Variants in ARL15 observed in about 807,000 individuals in gnomAD.
The protein encoded by ARL15 is ARF like GTPase 15.
ARL15 carries 19 observed loss-of-function variants against 25.2 expected under a neutral mutation model. The ratio of observed to expected loss-of-function variants is 0.75; its 90% CI spans 0.53 to 1.10. The LOEUF (loss-of-function observed/expected upper bound fraction) is 1.10, where lower values mean the gene tolerates loss of function less well. Ranked by LOEUF, ARL15 falls within the 50% of genes least tolerant of loss-of-function variation. The pLI is 0.00. For missense variants in ARL15, 220 were observed against 246.0 expected (o/e 0.89, Z 0.71); for synonymous variants, 94 against 86.8 (o/e 1.08, Z -0.46).
chr5:54,020,092 A>C (rs577081080), intron 4 of ARL15, among the ~76,000 whole-genome samples: 7 of 152,376 alleles, frequency 4.6e-5, no homozygotes, highest in Middle Eastern at 3.4e-3. Context: ...CATATGAAGT[A>C]TTAAAGTTAC....
At chr5:54,292,912 C>T (rs112602373) in intron 1 of ARL15, among the ~76,000 whole-genome samples, 3 of 152,314 alleles carry the variant, frequency 2.0e-5, no homozygotes, top group African/African-American at 7.2e-5. Context: ...ACTCTGCAAC[C>T]TCACACGGTG....
At chr5:54,039,405 ATCAC>A in intron 4 of ARL15, among the ~76,000 whole-genome samples, 1 of 152,234 alleles carries the variant, frequency 6.6e-6, no homozygotes, top group East Asian at 1.9e-4. Context: ...TTATATTTCT[ATCAC>A]TCACTTATCT....
intron 4 of ARL15, among the ~76,000 whole-genome samples, chr5:53,925,398 T>C (rs1396303205): frequency 6.6e-6 from 1 of 152,116 alleles, no homozygotes; most frequent in Non-Finnish European, 1.5e-5. Flanking sequence ...GGTTTTGCTA[T>C]GTTGCTCAAG....
intron 4 of ARL15, among the ~76,000 whole-genome samples, chr5:53,949,950 T>C (rs545053248): frequency 8.5e-5 from 13 of 152,306 alleles, no homozygotes; most frequent in African/African-American, 3.1e-4. Context: ...CTCAAGGTCA[T>C]TGTGCTAACA....
chr5:53,962,304 C>T (rs1293625339), intron 4 of ARL15, among the ~76,000 whole-genome samples: 2 of 152,018 alleles, frequency 1.3e-5, no homozygotes, highest in Non-Finnish European at 2.9e-5. Context: ...CCATGTACTC[C>T]ATCTCTGGGG....
intron 4 of ARL15, among the ~76,000 whole-genome samples, chr5:54,080,925 C>T (rs776419656): frequency 2.6e-5 from 4 of 152,192 alleles, no homozygotes; most frequent in Non-Finnish European, 4.4e-5. Flanking sequence ...GAGACCTCTC[C>T]TGGCATGCAG....
At position 53,930,913 on chromosome 5, in the gene ARL15, G is replaced by A. The variant is rs148498088; in HGVS notation, c.463-44200C>T. The stretch of plus-strand genomic sequence containing the variant: ...CAGATTCTTTGAGGAATTCTGGGCA[G>A]TAGATTCACTTTCCATGATTTTATT... On this transcript the variant is annotated intron_variant, in intron 4 of 4. Transcript: ENST00000504924. Among the ~76,000 whole-genome samples, 31 of 152,264 alleles carry A rather than the reference G, an allele frequency of 2.0e-4. No homozygotes were observed. The East Asian group carries it at 6.0e-3, about 29-fold the overall frequency.
At chr5:54,238,138 C>T (rs1239621512) in intron 1 of ARL15, among the ~76,000 whole-genome samples, 2 of 152,072 alleles carry the variant, frequency 1.3e-5, no homozygotes, top group Non-Finnish European at 2.9e-5. Flanking sequence ...TTATGGTTAC[C>T]CCACCCCTGA....
chr5:54,120,816 T>C (rs1753049643), intron 3 of ARL15, among the ~76,000 whole-genome samples: 1 of 152,152 alleles, frequency 6.6e-6, no homozygotes, highest in African/African-American at 2.4e-5. Context: ...AGAGCCAAAA[T>C]GGAGACTTCC....
In ARL15 at chr5:54,046,729, T is replaced by C. The variant is rs548541555; in HGVS notation, c.462+66473A>G. Among the ~76,000 whole-genome samples, 137 of 152,246 alleles carry C rather than the reference T, an allele frequency of 9.0e-4. 1 individual carries two copies. Among genetic ancestry groups the C allele is most frequent in the Non-Finnish European group, 1.4e-3 (97 of 68,016 alleles). On this transcript the variant is annotated intron_variant, in intron 4 of 4. Transcript: ENST00000504924. Reference sequence around the variant, plus strand: ...AGAGCAATGGAATTGACTTTATTGATTTTTAAAGAAATGGCTAAATTCAGG... The same window carrying C: ...AGAGCAATGGAATTGACTTTATTGACTTTTAAAGAAATGGCTAAATTCAGG...
intron 1 of ARL15, among the ~76,000 whole-genome samples, chr5:54,186,871 CT>C (rs562016960): frequency 0.27 from 36,119 of 135,720 alleles, 4,262 homozygotes; most frequent in African/African-American, 0.36. Context: ...GTAGCATCGA[CT>C]TTTTTTTTTT....
intron 4 of ARL15, among the ~76,000 whole-genome samples, chr5:53,905,812 AAGTGTTAATAACAAAAC>A (rs1315494026): frequency 2.0e-5 from 3 of 152,228 alleles, no homozygotes; most frequent in Non-Finnish European, 4.4e-5. Flanking sequence ...ACTAGAAGGT[AAGTGTTAATAACAAAAC>A]AATTCTAAAT....
Position 54,015,314 on chromosome 5 carries a change from A to AAAAC in ARL15, c.462+97884_462+97887dup, listed in dbSNP as rs530643976. On this transcript the variant is annotated intron_variant, in intron 4 of 4. Transcript: ENST00000504924. ...TCTCAAAAAAAAAAAAACAAAAACA[A>AAAAC]AAACAAACAAACAAACAAACAAAAA... Among the ~76,000 whole-genome samples, 1,093 of 151,920 alleles carry AAAAC rather than the reference A, an allele frequency of 7.2e-3. 8 individuals are homozygous for AAAAC. The highest frequency in any genetic ancestry group is 0.02 in the Middle Eastern group (6 of 294).
intron 4 of ARL15, among the ~76,000 whole-genome samples, chr5:53,887,742 T>C (rs1744582261): frequency 6.6e-6 from 1 of 152,180 alleles, no homozygotes; most frequent in Non-Finnish European, 1.5e-5. Context: ...TTAACAAATT[T>C]CGTTAAATCT....
intron 1 of ARL15, chr5:54,308,045 A>G (rs1441752821): frequency 4.6e-5 from 7 of 152,238 alleles, no homozygotes; most frequent in Non-Finnish European, 4.4e-5. Context: ...AGGGCTTTTA[A>G]TAAACGCCAC....
At chr5:54,279,205 T>A (rs1420241460) in intron 1 of ARL15, among the ~76,000 whole-genome samples, 2 of 106,070 alleles carry the variant, frequency 1.9e-5, no homozygotes, top group Non-Finnish European at 3.6e-5. Context: ...CTAATAAGAG[T>A]TTGTTTTTGT....
At chr5:54,162,242 A>G (rs73754465) in intron 2 of ARL15, among the ~76,000 whole-genome samples, 4,800 of 152,168 alleles carry the variant, frequency 0.032, 285 homozygotes, top group African/African-American at 0.11. Flanking sequence ...TCCTTTCACT[A>G]TAATGAACAC....
intron 4 of ARL15, among the ~76,000 whole-genome samples, chr5:54,097,660 A>C (rs553277433): frequency 4.6e-5 from 7 of 152,362 alleles, no homozygotes; most frequent in African/African-American, 1.7e-4. Flanking sequence ...TAAGCTTGGT[A>C]ACATGCTACC....
intron 4 of ARL15, among the ~76,000 whole-genome samples, chr5:53,901,409 T>TA (rs1745060105): frequency 6.6e-6 from 1 of 152,148 alleles, no homozygotes; most frequent in Non-Finnish European, 1.5e-5. Context: ...TATATGTCTG[T>TA]AAGCTAACAA....
Sources: gnomAD v4.1 joint callset for allele counts (sites outside exome capture counted in the v4.1 genomes callset) on GRCh38, gnomAD v4.1.1 for gene constraint, MANE v1.5 for transcripts, NCBI Gene and HGNC (gene_info 2026-07-23, HGNC 2026-07-21) for gene names.